Variants in HACD2 observed in about 807,000 individuals in gnomAD.
The protein encoded by HACD2 is 3-hydroxyacyl-CoA dehydratase 2, also known as very-long-chain (3R)-3-hydroxyacyl-CoA dehydratase 2.
In HACD2, 15 loss-of-function variants were observed where a neutral mutation model predicts 31.0. The observed-to-expected ratio is 0.48, with a 90% CI of 0.32 to 0.75. The LOEUF is 0.75. HACD2 is among the 30% of genes least tolerant of loss of function. The pLI, the probability that HACD2 is intolerant of heterozygous loss-of-function variation, is 0.03. For synonymous variants in HACD2, 115 were observed against 122.2 expected (o/e 0.94, Z 0.39); for missense variants, 283 against 313.0 (o/e 0.90, Z 0.72).
intron 3 of HACD2, among the ~76,000 whole-genome samples, chr3:123,542,146 C>CAAAAAAAAA (rs11391480): frequency 4.9e-5 from 2 of 41,102 alleles, no homozygotes; most frequent in African/African-American, 3.4e-4. Flanking sequence ...GACTCCGTCT[C>CAAAAAAAAA]AAAAAAAAAA....
chr3:123,494,427 A>T lies in HACD2; in HGVS notation c.*461T>A, dbSNP rs2055807903. On this transcript the variant is annotated 3_prime_UTR_variant, in exon 7 of 7. Coordinates refer to ENST00000383657, the MANE Select transcript of HACD2 (RefSeq NM_198402.5). ...AGAGTTTGCCGCTTCAAAAATACAA[A>T]GTTTCCAGCATGCAGTCAAGCACTT... 5.6e-6 allele frequency: 1 copy of T among 179,604 alleles called. No individual in the cohort carries two copies. Among genetic ancestry groups the T allele is most frequent in the African/African-American group, 2.4e-5 (1 of 41,612 alleles). The allele number at this position is 179,604 out of a possible 1,614,324, so 11.1% of individuals were successfully genotyped here. A position where few individuals can be genotyped will look rare whatever the true frequency, so the allele number is the denominator to read the frequency against.
At chr3:123,500,463 G>T in intron 6 of HACD2, 52 bp downstream of exon 6, 1 of 1,236,610 alleles carries the variant, frequency 8.1e-7, no homozygotes, top group Non-Finnish European at 1.1e-6. Context: ...TTTAGTTATT[G>T]TAGAGCCAAA....
intron 1 of HACD2, chr3:123,584,581 A>C: frequency 5.1e-5 from 12 of 236,734 alleles, no homozygotes; most frequent in East Asian, 8.4e-5. Flanking sequence ...ACCTGTGGCC[A>C]GCCCCACCTT....
intron 3 of HACD2, among the ~76,000 whole-genome samples, chr3:123,546,203 A>G (rs142100255): frequency 2.0e-5 from 3 of 152,304 alleles, no homozygotes; most frequent in East Asian, 1.9e-4. Context: ...TTCCAACACT[A>G]AAGATATAGA....
At chr3:123,574,908 T>G (rs2056892467) in intron 2 of HACD2, among the ~76,000 whole-genome samples, 1 of 152,178 alleles carries the variant, frequency 6.6e-6, no homozygotes, top group Admixed American at 6.5e-5. Flanking sequence ...AATTTAAAAA[T>G]TTATGAACTC....
chr3:123,538,635 C>T lies in HACD2; in HGVS notation c.293-10161G>A, dbSNP rs192354731. On this transcript the variant is annotated intron_variant, in intron 3 of 6. Coordinates refer to ENST00000383657, the MANE Select transcript of HACD2 (RefSeq NM_198402.5). ...TGGTGTCCAATCCAGTGACATCCTA[C>T]TAGTGGTCAACTTACTCAAACTCAG... 1.3e-3 allele frequency among the ~76,000 whole-genome samples: 195 copies of T among 152,290 alleles called. 7 individuals are homozygous for T. In the East Asian group the frequency reaches 0.028, roughly 22 times the overall value.
intron 5 of HACD2, 85 bp from the exon 6 acceptor site, chr3:123,500,778 G>T: frequency 1.3e-6 from 1 of 746,058 alleles, no homozygotes; most frequent in Non-Finnish European, 2.1e-6. Flanking sequence ...AATCAGTACT[G>T]GTCTTTTAGA....
chr3:123,544,381 G>T (rs1198648506), intron 3 of HACD2, among the ~76,000 whole-genome samples: 2 of 152,046 alleles, frequency 1.3e-5, no homozygotes, highest in African/African-American at 4.8e-5. Flanking sequence ...GGTACAAGAA[G>T]ACCCAACCCA....
intron 3 of HACD2, among the ~76,000 whole-genome samples, chr3:123,537,267 C>CT (rs2056437565): frequency 6.6e-6 from 1 of 152,048 alleles, no homozygotes; most frequent in African/African-American, 2.4e-5. Flanking sequence ...ATTTTCATAA[C>CT]TTTTTTCTTA....
intron 3 of HACD2, among the ~76,000 whole-genome samples, chr3:123,550,197 C>A (rs562579867): frequency 2.4e-4 from 37 of 152,262 alleles, no homozygotes; most frequent in African/African-American, 8.9e-4. Flanking sequence ...TTCTCCCATG[C>A]CCCAGGCTTT....
rs370322208 is a variant in HACD2, at chr3:123,515,221, G to A, written c.382-12540C>T. 9.9e-5 allele frequency among the ~76,000 whole-genome samples: 15 copies of A among 152,140 alleles called. No individual in the cohort carries two copies. The South Asian group carries it at 2.3e-3, about 23-fold the overall frequency. The stretch of plus-strand genomic sequence containing the variant: ...CTGGGCAACTGAGGGATGACCCAGC[G>A]GTCACAGCACTATCATCCCTCTGCC... On this transcript the variant is annotated intron_variant, in intron 4 of 6. Coordinates refer to ENST00000383657, the MANE Select transcript of HACD2 (RefSeq NM_198402.5).
chr3:123,503,040 G>C (rs1251799016), intron 4 of HACD2: 1 of 190,852 alleles, frequency 5.2e-6, no homozygotes, highest in East Asian at 1.2e-4. Flanking sequence ...GAGGTGGGTG[G>C]ATCACATGAG....
chr3:123,581,537 G>C (rs1156905655), intron 2 of HACD2, among the ~76,000 whole-genome samples: 1 of 152,210 alleles, frequency 6.6e-6, no homozygotes, highest in Non-Finnish European at 1.5e-5. Context: ...AAGAGAAACA[G>C]ACAAGCAGAA....
At chr3:123,556,770 AC>A (rs1354603135) in intron 3 of HACD2, among the ~76,000 whole-genome samples, 5 of 152,204 alleles carry the variant, frequency 3.3e-5, no homozygotes, top group South Asian at 4.1e-4. Context: ...CAACAAAAAA[AC>A]AATCCAACTG....
At chr3:123,582,155 G>C in intron 2 of HACD2, 57 bp downstream of exon 2, 1 of 1,169,374 alleles carries the variant, frequency 8.6e-7, no homozygotes, top group South Asian at 1.6e-5. Context: ...TAATTTAGTT[G>C]CATGTTTTTC....
intron 2 of HACD2, among the ~76,000 whole-genome samples, chr3:123,573,608 T>A (rs1436263303): frequency 6.6e-6 from 1 of 152,184 alleles, no homozygotes; most frequent in Non-Finnish European, 1.5e-5. Flanking sequence ...CCCATTTGAC[T>A]CGCACACTAA....
intron 1 of HACD2, chr3:123,584,513 T>C (rs1158078815): frequency 2.0e-5 from 4 of 197,180 alleles, no homozygotes; most frequent in Non-Finnish European, 4.1e-5. Flanking sequence ...CATCCGAATC[T>C]GGCCGCCCAG....
At chr3:123,506,736 C>T (rs1377870827) in intron 4 of HACD2, among the ~76,000 whole-genome samples, 1 of 152,132 alleles carries the variant, frequency 6.6e-6, no homozygotes, top group East Asian at 1.9e-4. Flanking sequence ...CACCTGGCCA[C>T]TTTTCTATTT....
chr3:123,527,357 T>C (rs1439830020), intron 4 of HACD2, among the ~76,000 whole-genome samples: 1 of 152,214 alleles, frequency 6.6e-6, no homozygotes, highest in African/African-American at 2.4e-5. Context: ...TTCCTAATTC[T>C]TAAGTTGTAC....
Sources: allele counts gnomAD v4.1 joint callset (sites outside exome capture counted in the v4.1 genomes callset), GRCh38; gene constraint gnomAD v4.1.1; transcripts MANE v1.5; gene names NCBI Gene and HGNC (gene_info 2026-07-23, HGNC 2026-07-21).